Variants in LRRTM4 observed in about 807,000 individuals in gnomAD.
LRRTM4 encodes the protein leucine-rich repeat transmembrane neuronal protein 4.
Under a neutral mutation model 47.6 loss-of-function variants are expected in LRRTM4, and 25 were observed. The ratio of observed to expected loss-of-function variants is 0.53; its 90% CI spans 0.38 to 0.73. The LOEUF (loss-of-function observed/expected upper bound fraction) is 0.73. Ranked by LOEUF, LRRTM4 falls within the 30% of genes least tolerant of loss-of-function variation. LRRTM4 has a pLI of 0.00. For missense variants in LRRTM4, 638 were observed against 713.4 expected (o/e 0.89, Z 1.20); for synonymous variants, 311 against 269.5 (o/e 1.15, Z -1.51).
At chr2:77,327,135 GCAAAA>G (rs1352011698) in intron 3 of LRRTM4, among the ~76,000 whole-genome samples, 14 of 152,132 alleles carry the variant, frequency 9.2e-5, no homozygotes, top group Non-Finnish European at 1.9e-4. Flanking sequence ...CTTCACTTGG[GCAAAA>G]GGATAGCGGT....
chr2:77,429,180 G>T (rs879723290), intron 3 of LRRTM4, among the ~76,000 whole-genome samples: 11 of 152,118 alleles, frequency 7.2e-5, no homozygotes, highest in Non-Finnish European at 1.2e-4. Context: ...TGGCAATTGA[G>T]CTCCAATGTG....
At chr2:77,065,334 T>C (rs559157863) in intron 3 of LRRTM4, among the ~76,000 whole-genome samples, 46 of 152,326 alleles carry the variant, frequency 3.0e-4, no homozygotes, top group African/African-American at 1.1e-3. Context: ...ATACAGTCCT[T>C]GCCCTCAGAG....
intron 3 of LRRTM4, among the ~76,000 whole-genome samples, chr2:76,905,586 T>G (rs1185828185): frequency 6.6e-6 from 1 of 151,118 alleles, no homozygotes; most frequent in African/African-American, 2.4e-5. Context: ...GGCAAAGAAG[T>G]TAAAAACTTT....
chr2:76,903,809 T>A (rs961878287), intron 3 of LRRTM4, among the ~76,000 whole-genome samples: 1 of 152,224 alleles, frequency 6.6e-6, no homozygotes, highest in Non-Finnish European at 1.5e-5. Context: ...AATAAGCTGA[T>A]CATAGAAAGG....
intron 3 of LRRTM4, among the ~76,000 whole-genome samples, chr2:76,759,116 G>A (rs1673163200): frequency 2.0e-5 from 3 of 152,084 alleles, no homozygotes; most frequent in Non-Finnish European, 4.4e-5. Flanking sequence ...CCTTGTGCTA[G>A]GAGCTGGGTA....
chr2:77,082,700 G>A (rs935157446), intron 3 of LRRTM4, among the ~76,000 whole-genome samples: 2 of 151,954 alleles, frequency 1.3e-5, no homozygotes, highest in African/African-American at 4.8e-5. Flanking sequence ...TAGAGAAATA[G>A]AAATATCCTA....
At chr2:76,844,352 G>A (rs1192923397) in intron 3 of LRRTM4, among the ~76,000 whole-genome samples, 1 of 152,074 alleles carries the variant, frequency 6.6e-6, no homozygotes, top group African/African-American at 2.4e-5. Context: ...GGCCAGGATG[G>A]TCTCAATCTC....
intron 3 of LRRTM4, among the ~76,000 whole-genome samples, chr2:77,266,063 C>T (rs946180771): frequency 3.3e-5 from 5 of 152,164 alleles, no homozygotes; most frequent in African/African-American, 1.2e-4. Context: ...TATTGGAACA[C>T]AGTCATGCCT....
chr2:77,350,394 G>T (rs1573294918), intron 3 of LRRTM4, among the ~76,000 whole-genome samples: 1 of 123,616 alleles, frequency 8.1e-6, no homozygotes, highest in East Asian at 2.6e-4. Context: ...GTTACAATAT[G>T]AATTTAGAAA....
At chr2:77,504,434 A>G (rs1034112283) in intron 3 of LRRTM4, among the ~76,000 whole-genome samples, 1 of 151,694 alleles carries the variant, frequency 6.6e-6, no homozygotes, top group African/African-American at 2.4e-5. Context: ...CTGATGAGGT[A>G]AAATTACTTA....
At chr2:76,907,757 T>C (rs1320868165) in intron 3 of LRRTM4, among the ~76,000 whole-genome samples, 1 of 126,040 alleles carries the variant, frequency 7.9e-6, no homozygotes, top group Non-Finnish European at 1.6e-5. Flanking sequence ...AATGGATAAA[T>C]TCCTCGACAC....
At chr2:76,929,501 T>TAG (rs1674697772) in intron 3 of LRRTM4, among the ~76,000 whole-genome samples, 1 of 152,226 alleles carries the variant, frequency 6.6e-6, no homozygotes, top group African/African-American at 2.4e-5. Flanking sequence ...CTGATAATTT[T>TAG]AGACCTGCTC....
intron 3 of LRRTM4, among the ~76,000 whole-genome samples, chr2:76,901,534 G>C (rs776117508): frequency 9.2e-5 from 14 of 151,914 alleles, no homozygotes; most frequent in Non-Finnish European, 1.6e-4. Context: ...CCATTTTGCT[G>C]ACCATGGAAG....
chr2:77,235,646 A>C (rs550578253), intron 3 of LRRTM4, among the ~76,000 whole-genome samples: 1 of 152,100 alleles, frequency 6.6e-6, no homozygotes, highest in Non-Finnish European at 1.5e-5. Context: ...TCATAGATGG[A>C]GTTCTCACAT....
chr2:76,916,382 C>G (rs1277495680), intron 3 of LRRTM4, among the ~76,000 whole-genome samples: 4 of 40,646 alleles, frequency 9.8e-5, no homozygotes, highest in South Asian at 1.9e-3. Context: ...GAGACTGTGT[C>G]TCAAAAAAAA....
At chr2:77,087,684 A>G (rs1680767871) in intron 3 of LRRTM4, among the ~76,000 whole-genome samples, 1 of 152,240 alleles carries the variant, frequency 6.6e-6, no homozygotes, top group South Asian at 2.1e-4. Flanking sequence ...AAAATAATCA[A>G]ATTCATTGGA....
intron 3 of LRRTM4, among the ~76,000 whole-genome samples, 152 bp from the exon 4 acceptor site, chr2:76,749,068 TTAC>T (rs1672755316): frequency 6.6e-6 from 1 of 152,216 alleles, no homozygotes; most frequent in Non-Finnish European, 1.5e-5. Context: ...AAAATGATGA[TTAC>T]TATTTAACTC....
intron 3 of LRRTM4, among the ~76,000 whole-genome samples, chr2:77,151,221 A>G (rs1243544676): frequency 2.0e-5 from 3 of 152,024 alleles, no homozygotes; most frequent in Non-Finnish European, 4.4e-5. Context: ...AGTACACAAT[A>G]CCATATTGTT....
At chr2:77,114,509 G>A (rs758662388) in intron 3 of LRRTM4, among the ~76,000 whole-genome samples, 5 of 152,096 alleles carry the variant, frequency 3.3e-5, no homozygotes, top group African/African-American at 4.8e-5. Context: ...CCAGACAGAC[G>A]AACATTTCTC....
Sources: gnomAD v4.1 joint callset for allele counts (sites outside exome capture counted in the v4.1 genomes callset) on GRCh38, gnomAD v4.1.1 for gene constraint, MANE v1.5 for transcripts, NCBI Gene and HGNC (gene_info 2026-07-23, HGNC 2026-07-21) for gene names.